Variants in GRXCR1 observed in about 807,000 individuals in gnomAD.
The protein encoded by GRXCR1 is glutaredoxin and cysteine rich domain containing 1, also known as glutaredoxin domain-containing cysteine-rich protein 1.
A neutral mutation model predicts 27.3 loss-of-function variants in GRXCR1; 27 were observed. The ratio of observed to expected loss-of-function variants is 0.99; its 90% confidence interval spans 0.73 to 1.37. The LOEUF (loss-of-function observed/expected upper bound fraction) is 1.37, where lower values mean the gene tolerates loss of function less well. Among genes scored for constraint, GRXCR1 ranks in the 40% most tolerant of loss-of-function variants. The pLI, the probability that GRXCR1 is intolerant of heterozygous loss-of-function variation, is 0.00. For synonymous variants in GRXCR1, 122 were observed against 131.1 expected (o/e 0.93, Z 0.47); for missense variants, 379 against 354.4 (o/e 1.07, Z -0.56).
intron 2 of GRXCR1, among the ~76,000 whole-genome samples, chr4:43,008,318 A>G (rs1277809389): frequency 6.6e-6 from 1 of 152,184 alleles, no homozygotes; most frequent in East Asian, 1.9e-4. Context: ...GTCCCAATAC[A>G]GACCTGCCTA....
chr4:42,971,831 A>G (rs980059467), intron 2 of GRXCR1, among the ~76,000 whole-genome samples: 2 of 152,162 alleles, frequency 1.3e-5, no homozygotes, highest in East Asian at 3.8e-4. Context: ...AGTAGGATAC[A>G]CTTCACTAAG....
intron 2 of GRXCR1, among the ~76,000 whole-genome samples, chr4:42,964,854 A>G (rs1174352840): frequency 6.6e-6 from 1 of 152,046 alleles, no homozygotes; most frequent in African/African-American, 2.4e-5. Context: ...TTCTTTCACA[A>G]AGAAGGGATC....
intron 2 of GRXCR1, 21 bp downstream of exon 2, chr4:42,963,155 A>G: frequency 6.2e-7 from 1 of 1,611,632 alleles, no homozygotes; most frequent in Non-Finnish European, 8.5e-7. Flanking sequence ...TGCCCAGGAA[A>G]GTCTTTTTCA....
chr4:43,020,426 G>T lies in GRXCR1; in HGVS notation c.693+7G>T. 6.3e-7 allele frequency: 1 copy of T among 1,582,400 alleles called. No homozygotes were observed. Among genetic ancestry groups the T allele is most frequent in the Non-Finnish European group, 8.7e-7 (1 of 1,151,240 alleles). On this transcript the variant is annotated splice_region_variant and intron_variant, in intron 3 of 3. Transcript: ENST00000399770. ...CATCCTAACCAAAATTGAGGTAAAT[G>T]TGCTTTCAGCAACTTAGTTTTAGTA...
At chr4:42,975,797 A>G (rs772942228) in intron 2 of GRXCR1, among the ~76,000 whole-genome samples, 78 of 152,168 alleles carry the variant, frequency 5.1e-4, no homozygotes, top group Admixed American at 8.5e-4. Flanking sequence ...AGAAATGCAG[A>G]AGTACTACAA....
At chr4:42,985,948 T>C (rs1460524370) in intron 2 of GRXCR1, among the ~76,000 whole-genome samples, 1 of 152,224 alleles carries the variant, frequency 6.6e-6, no homozygotes, top group Non-Finnish European at 1.5e-5. Flanking sequence ...TCAGGATTTA[T>C]TTTCCATAAA....
chr4:42,894,092 C>T (rs749375895), intron 1 of GRXCR1, among the ~76,000 whole-genome samples: 22 of 152,058 alleles, frequency 1.4e-4, no homozygotes, highest in Non-Finnish European at 2.6e-4. Flanking sequence ...AGGTTGGGTT[C>T]AACTGGAAGG....
chr4:43,018,145 G>C (rs1256395451), intron 2 of GRXCR1, among the ~76,000 whole-genome samples: 3 of 152,180 alleles, frequency 2.0e-5, no homozygotes, highest in Non-Finnish European at 2.9e-5. Context: ...GGAGGGCAGA[G>C]ACATGGGACC....
At chr4:43,011,300 CA>C (rs1188795872) in intron 2 of GRXCR1, among the ~76,000 whole-genome samples, 22 of 152,198 alleles carry the variant, frequency 1.4e-4, no homozygotes, top group African/African-American at 5.3e-4. Context: ...TAGACTGAAT[CA>C]CACAAGGGCC....
chr4:42,935,782 T>C (rs928701199), intron 1 of GRXCR1, among the ~76,000 whole-genome samples: 5 of 151,916 alleles, frequency 3.3e-5, no homozygotes, highest in African/African-American at 1.2e-4. Context: ...TTGAATAATC[T>C]TAATGCGTTT....
intron 2 of GRXCR1, among the ~76,000 whole-genome samples, chr4:43,016,439 T>C (rs1712933080): frequency 6.6e-6 from 1 of 152,218 alleles, no homozygotes; most frequent in Non-Finnish European, 1.5e-5. Context: ...AGCCTTCTCC[T>C]TTAACGAAAA....
At chr4:42,940,387 A>C (rs1458755955) in intron 1 of GRXCR1, among the ~76,000 whole-genome samples, 1 of 152,082 alleles carries the variant, frequency 6.6e-6, no homozygotes, top group Non-Finnish European at 1.5e-5. Context: ...TTTGTCCTGC[A>C]ACCTTAGTTC....
intron 2 of GRXCR1, among the ~76,000 whole-genome samples, chr4:43,007,138 G>T (rs1303281446): frequency 6.6e-6 from 1 of 152,194 alleles, no homozygotes; most frequent in Non-Finnish European, 1.5e-5. Flanking sequence ...AAGTTAATTA[G>T]TTTGGTGATC....
intron 1 of GRXCR1, among the ~76,000 whole-genome samples, chr4:42,935,568 T>C (rs28501439): frequency 0.17 from 25,098 of 151,634 alleles, 2,197 homozygotes; most frequent in African/African-American, 0.2. Context: ...CACAATGTCT[T>C]AGGCGAGTAA....
chr4:42,921,185 C>T (rs917333186), intron 1 of GRXCR1, among the ~76,000 whole-genome samples: 13 of 152,080 alleles, frequency 8.5e-5, no homozygotes, highest in African/African-American at 2.7e-4. Flanking sequence ...AGGGAGCTTG[C>T]TTGCCCCTTC....
chr4:42,951,233 TC>T (rs957117915), intron 1 of GRXCR1, among the ~76,000 whole-genome samples: 1 of 152,162 alleles, frequency 6.6e-6, no homozygotes, highest in Non-Finnish European at 1.5e-5. Flanking sequence ...ATTCACTCAC[TC>T]AACAGATGGT....
chr4:42,975,802 C>G (rs1455000664), intron 2 of GRXCR1, among the ~76,000 whole-genome samples: 1 of 152,144 alleles, frequency 6.6e-6, no homozygotes, highest in Non-Finnish European at 1.5e-5. Flanking sequence ...TGCAGAAGTA[C>G]TACAACCACA....
intron 2 of GRXCR1, among the ~76,000 whole-genome samples, chr4:42,998,906 G>A (rs1712261576): frequency 1.3e-5 from 2 of 152,160 alleles, no homozygotes; most frequent in African/African-American, 2.4e-5. Flanking sequence ...GGCTTTCCCA[G>A]GCATGCAATA....
At chr4:42,908,043 G>T (rs1344960673) in intron 1 of GRXCR1, among the ~76,000 whole-genome samples, 1 of 152,120 alleles carries the variant, frequency 6.6e-6, no homozygotes, top group Non-Finnish European at 1.5e-5. Flanking sequence ...TTCCTACAGG[G>T]GGGTCATCTC....
Sources: gnomAD v4.1 joint callset for allele counts (sites outside exome capture counted in the v4.1 genomes callset) on GRCh38, gnomAD v4.1.1 for gene constraint, MANE v1.5 for transcripts, NCBI Gene and HGNC (gene_info 2026-07-23, HGNC 2026-07-21) for gene names.